The following PACRG variants were observed in gnomAD, a reference collection of about 807,000 sequenced individuals.
The protein encoded by PACRG is parkin coregulated gene protein.
In PACRG, 29 loss-of-function variants were observed where a neutral mutation model predicts 29.7. That is an observed-to-expected ratio of 0.98 (90% CI 0.73 to 1.33). The LOEUF is 1.33. Among genes scored for constraint, PACRG ranks in the 40% most tolerant of loss-of-function variants. The probability of loss-of-function intolerance (pLI) is 0.00; values close to 1 mark genes in which losing one functional copy is unlikely to be tolerated. For synonymous variants in PACRG, 116 were observed against 118.7 expected, an observed-to-expected ratio of 0.98 and a Z score of 0.15; for missense variants, 279 against 316.2, an observed-to-expected ratio of 0.88 and a Z score of 0.89.
At chr6:162,822,778 G>A (rs1172265355) in intron 2 of PACRG, among the ~76,000 whole-genome samples, 3 of 152,040 alleles carry the variant, frequency 2.0e-5, no homozygotes, top group Non-Finnish European at 2.9e-5. Context: ...ATTGAAATTA[G>A]CATTCTTAAA....
intron 2 of PACRG, among the ~76,000 whole-genome samples, chr6:162,897,207 C>T (rs1174101691): frequency 6.6e-6 from 1 of 152,144 alleles, no homozygotes; most frequent in African/African-American, 2.4e-5. Flanking sequence ...ATGATATAAC[C>T]AACAACAAGT....
chr6:162,796,290 G>A (rs960744791), intron 1 of PACRG, among the ~76,000 whole-genome samples: 1 of 151,876 alleles, frequency 6.6e-6, no homozygotes, highest in Non-Finnish European at 1.5e-5. Context: ...TAGCACAGAC[G>A]TGTTTTTCTT....
intron 4 of PACRG, among the ~76,000 whole-genome samples, chr6:163,264,225 C>G (rs1783443295): frequency 6.6e-6 from 1 of 152,234 alleles, no homozygotes. Flanking sequence ...CCTCTGGAAG[C>G]TCTCCTTCCC....
intron 4 of PACRG, chr6:163,095,396 G>T: frequency 1.0e-6 from 1 of 985,458 alleles, no homozygotes; most frequent in South Asian, 4.7e-5. Context: ...ACCTGGTAGG[G>T]CGATGTCTAA....
At chr6:163,065,779 C>T (rs924647584) in intron 3 of PACRG, among the ~76,000 whole-genome samples, 11 of 152,266 alleles carry the variant, frequency 7.2e-5, no homozygotes, top group South Asian at 4.1e-4. Context: ...CCATTTTGAA[C>T]AGGACAAGGC....
chr6:163,241,244 A>G (rs1192377921), intron 4 of PACRG, among the ~76,000 whole-genome samples: 1 of 152,210 alleles, frequency 6.6e-6, no homozygotes, highest in East Asian at 1.9e-4. Context: ...ATATGCTGTC[A>G]TTGGGGAAAA....
chr6:163,201,258 T>C (rs1780686866), intron 4 of PACRG, among the ~76,000 whole-genome samples: 1 of 152,158 alleles, frequency 6.6e-6, no homozygotes, highest in African/African-American at 2.4e-5. Flanking sequence ...TTCATTAGAG[T>C]ACATATATTA....
rs6937002 is a variant in PACRG, at chr6:163,023,776, T to C, written c.292-38374T>C. 9.6e-3 allele frequency among the ~76,000 whole-genome samples: 1,461 copies of C among 152,260 alleles called. 24 individuals are homozygous for C. Among genetic ancestry groups the C allele is most frequent in the African/African-American group, 0.034 (1,404 of 41,552 alleles). ...TTTTTAATAATTGTCATTCCAACTG[T>C]GTAAGATTGTGTCTCATTGTGGTTT... On this transcript the variant is annotated intron_variant, in intron 2 of 4. Coordinates refer to ENST00000366888, the MANE Select transcript of PACRG (RefSeq NM_001080379.2).
intron 4 of PACRG, among the ~76,000 whole-genome samples, chr6:163,213,654 T>C (rs960339793): frequency 2.0e-5 from 3 of 152,208 alleles, no homozygotes; most frequent in Non-Finnish European, 4.4e-5. Flanking sequence ...CCTTTACCCA[T>C]TTTTCTATTG....
chr6:162,980,177 C>T (rs1436215889), intron 2 of PACRG, among the ~76,000 whole-genome samples: 16 of 151,388 alleles, frequency 1.1e-4, no homozygotes, highest in Non-Finnish European at 1.8e-4. Flanking sequence ...CACATACACA[C>T]ACACACACAC....
chr6:162,896,266 T>C (rs1795157158), intron 2 of PACRG, among the ~76,000 whole-genome samples: 1 of 152,212 alleles, frequency 6.6e-6, no homozygotes, highest in African/African-American at 2.4e-5. Flanking sequence ...TCCTGCTGTT[T>C]AGAGGAATTG....
At chr6:163,006,508 ACTTG>A (rs1805130851) in intron 2 of PACRG, among the ~76,000 whole-genome samples, 1 of 151,586 alleles carries the variant, frequency 6.6e-6, no homozygotes, top group African/African-American at 2.4e-5. Flanking sequence ...TTTTTTGTAT[ACTTG>A]TTCTATCAGT....
At chr6:162,841,786 G>T (rs1342079122) in intron 2 of PACRG, among the ~76,000 whole-genome samples, 1 of 151,788 alleles carries the variant, frequency 6.6e-6, no homozygotes, top group East Asian at 1.9e-4. Context: ...AGAGATTCTG[G>T]TATGTTGTAT....
chr6:162,837,668 A>G (rs1314644446), intron 2 of PACRG, among the ~76,000 whole-genome samples: 1 of 152,192 alleles, frequency 6.6e-6, no homozygotes, highest in Non-Finnish European at 1.5e-5. Context: ...ACTTATCTCA[A>G]TTAAGTTTCA....
At chr6:162,768,252 A>G (rs1782950730) in intron 1 of PACRG, among the ~76,000 whole-genome samples, 1 of 152,034 alleles carries the variant, frequency 6.6e-6, no homozygotes, top group African/African-American at 2.4e-5. Flanking sequence ...GATAATAGTG[A>G]TTGTCTCTCA....
intron 2 of PACRG, among the ~76,000 whole-genome samples, chr6:162,915,101 G>A (rs1034235463): frequency 6.6e-6 from 1 of 151,800 alleles, no homozygotes; most frequent in Non-Finnish European, 1.5e-5. Flanking sequence ...TCCATCTCAA[G>A]GGAAAGTAAT....
At chr6:163,169,726 A>G (rs1778980330) in intron 4 of PACRG, among the ~76,000 whole-genome samples, 1 of 152,148 alleles carries the variant, frequency 6.6e-6, no homozygotes, top group South Asian at 2.1e-4. Flanking sequence ...CTCAGGAGAG[A>G]GAGGCCGCTG....
chr6:162,878,395 T>A (rs1446098397), intron 2 of PACRG, among the ~76,000 whole-genome samples: 2 of 152,240 alleles, frequency 1.3e-5, no homozygotes, highest in African/African-American at 4.8e-5. Flanking sequence ...GAATTCTTTT[T>A]TGAATAAAGT....
chr6:162,767,579 A>G (rs1404108526), intron 1 of PACRG, among the ~76,000 whole-genome samples: 1 of 151,638 alleles, frequency 6.6e-6, no homozygotes, highest in Non-Finnish European at 1.5e-5. Flanking sequence ...AAAATAGAAA[A>G]TAAGTTGGGT....
Sources: gnomAD v4.1 joint callset for allele counts (sites outside exome capture counted in the v4.1 genomes callset) on GRCh38, gnomAD v4.1.1 for gene constraint, MANE v1.5 for transcripts, NCBI Gene and HGNC (gene_info 2026-07-23, HGNC 2026-07-21) for gene names.